Variants in MXI1 observed in about 807,000 individuals in gnomAD.
The protein encoded by MXI1 is max-interacting protein 1.
Under a neutral mutation model 36.9 loss-of-function variants are expected in MXI1, and 18 were observed. The observed-to-expected ratio is 0.49, with a 90% CI of 0.34 to 0.72. The LOEUF is 0.72. MXI1 is among the 30% of genes least tolerant of loss of function. The pLI, the probability that MXI1 is intolerant of heterozygous loss-of-function variation, is 0.01. For missense variants in MXI1, 304 were observed against 379.1 expected, an observed-to-expected ratio of 0.80 and a Z score of 1.64; for synonymous variants, 160 against 146.7, an observed-to-expected ratio of 1.09 and a Z score of -0.65.
intron 2 of MXI1, among the ~76,000 whole-genome samples, chr10:110,240,001 A>T (rs761619487): frequency 6.6e-6 from 1 of 151,494 alleles, no homozygotes; most frequent in Non-Finnish European, 1.5e-5. Flanking sequence ...ACTTTATGTG[A>T]ATGGAGTTAT....
At chr10:110,220,041 A>T (rs1462685910) in intron 1 of MXI1, among the ~76,000 whole-genome samples, 2 of 152,228 alleles carry the variant, frequency 1.3e-5, no homozygotes, top group Non-Finnish European at 2.9e-5. Context: ...TCCTAGTGTG[A>T]TGGGATTGCC....
At chr10:110,224,026 A>G (rs774708500) in intron 1 of MXI1, among the ~76,000 whole-genome samples, 12 of 152,184 alleles carry the variant, frequency 7.9e-5, no homozygotes, top group Non-Finnish European at 1.6e-4. Flanking sequence ...AACAAAAGGT[A>G]TGAGGGAAAG....
At chr10:110,248,808 T>C (rs1855964089) in intron 3 of MXI1, among the ~76,000 whole-genome samples, 1 of 152,170 alleles carries the variant, frequency 6.6e-6, no homozygotes, top group Non-Finnish European at 1.5e-5. Context: ...AAAGATGATA[T>C]AGAATTAACT....
chr10:110,274,439 A>G (rs1428726958), intron 3 of MXI1, among the ~76,000 whole-genome samples: 4 of 152,056 alleles, frequency 2.6e-5, no homozygotes, highest in African/African-American at 9.7e-5. Flanking sequence ...AGGGGACTCC[A>G]GTTTTCTCAC....
At chr10:110,210,887 G>A (rs1382087873) in intron 1 of MXI1, among the ~76,000 whole-genome samples, 1 of 152,218 alleles carries the variant, frequency 6.6e-6, no homozygotes, top group Admixed American at 6.5e-5. Flanking sequence ...CGCGGGGCTT[G>A]TTTTGCTCCA....
At chr10:110,211,757 G>C (rs1489048523) in intron 1 of MXI1, among the ~76,000 whole-genome samples, 1 of 152,200 alleles carries the variant, frequency 6.6e-6, no homozygotes, top group African/African-American at 2.4e-5. Flanking sequence ...TGCAAGGCAG[G>C]GGGGATTCCC....
intron 1 of MXI1, chr10:110,226,375 T>C (rs1231370495): frequency 2.7e-6 from 3 of 1,123,706 alleles, no homozygotes; most frequent in Admixed American, 4.1e-5. Context: ...GCGTGTGAGG[T>C]GCGCGCATGA....
chr10:110,265,731 T>C (rs1856657970), intron 3 of MXI1, among the ~76,000 whole-genome samples: 1 of 152,162 alleles, frequency 6.6e-6, no homozygotes, highest in Non-Finnish European at 1.5e-5. Flanking sequence ...AAGTTGTATG[T>C]GTTTGAGATG....
chr10:110,243,360 A>G (rs1855743140), intron 2 of MXI1, among the ~76,000 whole-genome samples: 1 of 152,074 alleles, frequency 6.6e-6, no homozygotes. Context: ...CTTGGACTTG[A>G]TGAAATTACT....
Position 110,279,217 on chromosome 10 carries a change from G to C in MXI1, c.475G>C (p.Val159Leu). The C allele has an allele frequency of 6.2e-7, 1 of 1,614,172 alleles. No homozygotes were observed. The highest frequency in any genetic ancestry group is 8.5e-7 in the Non-Finnish European group (1 of 1,180,010). The change falls in exon 4 of 6, where the codon GTT becomes CTT. Residue 159 changes from valine (V) to leucine (L), a missense_variant. By Grantham distance (32) the Val-to-Leu change is conservative. Coordinates refer to ENST00000332674, the MANE Select transcript of MXI1 (RefSeq NM_130439.3). The part of the protein sequence containing the change: ...HLRLCLERLK[V>L]LIPLGPDCTR... Reference sequence around the variant, plus strand: ...GCGCCTTTGTTTAGAACGCTTAAAAGTTCTGATTCCACTAGGACCAGACTG... The same window carrying C: ...GCGCCTTTGTTTAGAACGCTTAAAACTTCTGATTCCACTAGGACCAGACTG...
intron 1 of MXI1, among the ~76,000 whole-genome samples, chr10:110,217,109 T>TGTCCTA (rs1168278540): frequency 6.6e-6 from 1 of 152,178 alleles, no homozygotes; most frequent in African/African-American, 2.4e-5. Flanking sequence ...GATAGGGGCC[T>TGTCCTA]TCTGCACTTG....
At position 110,280,086 on chromosome 10, in the gene MXI1, G is replaced by C; in HGVS notation, c.724+1G>C. ...TCAGATCGTTCTGATTCAGAGCGAG[G>C]TAGGCAGCTTGCCTCTTCTCTAATG... On this transcript the variant is annotated splice_donor_variant, in intron 5 of 5. Transcript: ENST00000332674. LOFTEE classifies it high-confidence loss of function. The C allele has an allele frequency of 6.3e-7, 1 of 1,578,844 alleles. No individual in the cohort carries two copies. The highest frequency in any genetic ancestry group is 8.6e-7 in the Non-Finnish European group (1 of 1,163,430).
intron 1 of MXI1, chr10:110,226,223 A>G: frequency 3.3e-6 from 5 of 1,493,168 alleles, no homozygotes; most frequent in Non-Finnish European, 4.5e-6. Context: ...GGAGCGGGTG[A>G]AGATGATCAA....
chr10:110,276,637 A>T (rs1228787434), intron 3 of MXI1, among the ~76,000 whole-genome samples: 1 of 151,898 alleles, frequency 6.6e-6, no homozygotes, highest in Non-Finnish European at 1.5e-5. Flanking sequence ...TTTCCTTCTC[A>T]AGCAAGTGTC....
intron 1 of MXI1, among the ~76,000 whole-genome samples, chr10:110,218,028 C>G (rs1051770775): frequency 5.9e-5 from 9 of 152,200 alleles, no homozygotes; most frequent in Admixed American, 5.2e-4. Flanking sequence ...GCAAGACTAA[C>G]TTTCCTAAGG....
intron 3 of MXI1, among the ~76,000 whole-genome samples, chr10:110,265,625 G>T (rs924880034): frequency 6.6e-6 from 1 of 152,186 alleles, no homozygotes; most frequent in South Asian, 2.1e-4. Flanking sequence ...TAGGATAAAA[G>T]AAGTAGAAGT....
chr10:110,281,399 C>T (rs2134476305), intron 5 of MXI1, among the ~76,000 whole-genome samples: 1 of 152,206 alleles, frequency 6.6e-6, no homozygotes, highest in South Asian at 2.1e-4. Context: ...GTCTGTGATA[C>T]ATTTTCTCCA....
At chr10:110,221,228 G>A (rs1453980738) in intron 1 of MXI1, among the ~76,000 whole-genome samples, 1 of 152,238 alleles carries the variant, frequency 6.6e-6, no homozygotes, top group Non-Finnish European at 1.5e-5. Flanking sequence ...AAAAAAGCCT[G>A]AGTTCTAACC....
intron 3 of MXI1, among the ~76,000 whole-genome samples, chr10:110,274,504 C>T (rs1856963341): frequency 6.6e-6 from 1 of 152,128 alleles, no homozygotes; most frequent in African/African-American, 2.4e-5. Context: ...ATAACTCATG[C>T]TAAAATAGGA....
Sources: allele counts gnomAD v4.1 joint callset (sites outside exome capture counted in the v4.1 genomes callset), GRCh38; gene constraint gnomAD v4.1.1; transcripts MANE v1.5; gene names NCBI Gene and HGNC (gene_info 2026-07-23, HGNC 2026-07-21).